FGF12: variants seen among roughly 807,000 people sequenced by gnomAD.
The protein encoded by FGF12 is fibroblast growth factor 12, also known as fibroblast growth factor 12B.
FGF12 carries 14 observed loss-of-function variants against 23.6 expected under a neutral mutation model. The observed-to-expected ratio is 0.59, with a 90% CI of 0.39 to 0.93. The LOEUF is 0.93. Among genes scored for constraint, FGF12 ranks in the 40% least tolerant of loss-of-function variants. The probability of loss-of-function intolerance (pLI) is 0.00; values close to 1 mark genes in which losing one functional copy is unlikely to be tolerated. For synonymous variants in FGF12, 62 were observed against 77.3 expected, an observed-to-expected ratio of 0.80 and a Z score of 1.04; for missense variants, 175 against 217.8, an observed-to-expected ratio of 0.80 and a Z score of 1.24.
At chr3:192,573,677 A>G (rs145018607) in intron 2 of FGF12, among the ~76,000 whole-genome samples, 22 of 152,318 alleles carry the variant, frequency 1.4e-4, no homozygotes, top group African/African-American at 4.3e-4. Context: ...ATTGGTTCCA[A>G]TTCTCCAGAG....
intron 2 of FGF12, among the ~76,000 whole-genome samples, chr3:192,371,824 G>C (rs1719245944): frequency 6.6e-6 from 1 of 152,144 alleles, no homozygotes; most frequent in Non-Finnish European, 1.5e-5. Context: ...ATCCATGCCA[G>C]AGCCAGGGTG....
chr3:192,694,308 T>C (rs1669264366), intron 2 of FGF12, among the ~76,000 whole-genome samples: 1 of 152,102 alleles, frequency 6.6e-6, no homozygotes, highest in Non-Finnish European at 1.5e-5. Flanking sequence ...TGTAAATTGG[T>C]GTAGCTATTA....
chr3:192,262,752 T>C (rs1041960212), intron 4 of FGF12, among the ~76,000 whole-genome samples: 2 of 152,056 alleles, frequency 1.3e-5, no homozygotes, highest in Non-Finnish European at 1.5e-5. Context: ...ATTTCTCACA[T>C]GTATCCCAAT....
intron 4 of FGF12, among the ~76,000 whole-genome samples, chr3:192,268,145 G>A (rs1713196498): frequency 6.6e-6 from 1 of 152,158 alleles, no homozygotes; most frequent in Admixed American, 6.5e-5. Flanking sequence ...TATGCCAGAT[G>A]TAGCTATTTT....
intron 4 of FGF12, among the ~76,000 whole-genome samples, chr3:192,255,826 T>A (rs1421666641): frequency 1.3e-5 from 2 of 152,068 alleles, no homozygotes; most frequent in Admixed American, 1.3e-4. Context: ...TATTATTAAG[T>A]CTATGGAACA....
chr3:192,497,920 T>G (rs2108830671), intron 2 of FGF12, among the ~76,000 whole-genome samples: 1 of 152,306 alleles, frequency 6.6e-6, no homozygotes, highest in East Asian at 1.9e-4. Flanking sequence ...TCAACATTAT[T>G]TGGCTCACCA....
chr3:192,644,090 G>T (rs1482512057), intron 2 of FGF12, among the ~76,000 whole-genome samples: 1 of 152,178 alleles, frequency 6.6e-6, no homozygotes, highest in Non-Finnish European at 1.5e-5. Flanking sequence ...GGGTCTTCTG[G>T]CTCTTTGTGC....
At chr3:192,289,489 T>C (rs748317063) in intron 4 of FGF12, among the ~76,000 whole-genome samples, 27 of 151,942 alleles carry the variant, frequency 1.8e-4, no homozygotes, top group Non-Finnish European at 8.8e-5. Flanking sequence ...AAAAAATAAG[T>C]AGAGGATTCA....
chr3:192,387,243 G>A (rs558268314), intron 2 of FGF12, among the ~76,000 whole-genome samples: 5 of 152,200 alleles, frequency 3.3e-5, no homozygotes, highest in African/African-American at 1.2e-4. Flanking sequence ...TATCTCACAG[G>A]AAGAATTCAA....
chr3:192,436,542 A>AT (rs1722035963), intron 2 of FGF12, among the ~76,000 whole-genome samples: 1 of 152,202 alleles, frequency 6.6e-6, no homozygotes, highest in African/African-American at 2.4e-5. Flanking sequence ...GCAATCATGA[A>AT]TAAGCTAATT....
At chr3:192,567,533 C>T (rs778668225) in intron 2 of FGF12, among the ~76,000 whole-genome samples, 25 of 152,124 alleles carry the variant, frequency 1.6e-4, no homozygotes, top group Non-Finnish European at 3.1e-4. Context: ...TAAAAACCCA[C>T]TACAGACTTG....
intron 2 of FGF12, among the ~76,000 whole-genome samples, chr3:192,394,028 A>G (rs190897833): frequency 2.0e-4 from 31 of 152,282 alleles, no homozygotes; most frequent in Admixed American, 1.9e-3. Context: ...CTACATTTCT[A>G]TTGCTTAAAA....
At chr3:192,264,419 C>T (rs915363011) in intron 4 of FGF12, among the ~76,000 whole-genome samples, 6 of 151,532 alleles carry the variant, frequency 4.0e-5, no homozygotes, top group Non-Finnish European at 8.8e-5. Flanking sequence ...AATCCAAAAG[C>T]GTCTAAGCAA....
chr3:192,290,502 C>T (rs561744681), intron 4 of FGF12, among the ~76,000 whole-genome samples: 61 of 152,226 alleles, frequency 4.0e-4, no homozygotes, highest in Middle Eastern at 3.4e-3. Flanking sequence ...TTCCAAGTTA[C>T]AATGGTTAAG....
chr3:192,636,269 T>C (rs556665915), intron 2 of FGF12, among the ~76,000 whole-genome samples: 13 of 152,348 alleles, frequency 8.5e-5, no homozygotes, highest in African/African-American at 3.1e-4. Flanking sequence ...TTCTATGTGG[T>C]AGCCACTAGT....
intron 2 of FGF12, among the ~76,000 whole-genome samples, chr3:192,551,256 T>C (rs1308912993): frequency 6.6e-6 from 1 of 152,100 alleles, no homozygotes. Flanking sequence ...AAATAGAGAA[T>C]GACAATTTTA....
chr3:192,548,734 T>C (rs914396258), intron 2 of FGF12, among the ~76,000 whole-genome samples: 3 of 152,160 alleles, frequency 2.0e-5, no homozygotes, highest in Non-Finnish European at 4.4e-5. Context: ...ATCATGTATT[T>C]ACCCAGTTGT....
intron 2 of FGF12, among the ~76,000 whole-genome samples, chr3:192,564,517 T>C (rs1712193360): frequency 6.6e-6 from 1 of 152,206 alleles, no homozygotes; most frequent in Non-Finnish European, 1.5e-5. Flanking sequence ...AGGTGATATG[T>C]GATATGTCTA....
At chr3:192,449,195 T>C (rs1217241648) in intron 2 of FGF12, among the ~76,000 whole-genome samples, 1 of 152,182 alleles carries the variant, frequency 6.6e-6, no homozygotes, top group African/African-American at 2.4e-5. Flanking sequence ...AAGTCTCTGT[T>C]CTTTGCAGCA....
Sources: allele counts gnomAD v4.1 joint callset (sites outside exome capture counted in the v4.1 genomes callset), GRCh38; gene constraint gnomAD v4.1.1; transcripts MANE v1.5; gene names NCBI Gene and HGNC (gene_info 2026-07-23, HGNC 2026-07-21).